The following ABLIM3 variants were observed in gnomAD, a reference collection of about 807,000 sequenced individuals.
The protein encoded by ABLIM3 is actin-binding LIM protein 3.
A neutral mutation model predicts 109.5 loss-of-function variants in ABLIM3; 61 were observed. That is an observed-to-expected ratio of 0.56 (90% CI 0.45 to 0.69). The LOEUF (loss-of-function observed/expected upper bound fraction) is 0.69. ABLIM3 is among the 30% of genes least tolerant of loss of function. The pLI is 0.00. For missense variants in ABLIM3, 796 were observed against 889.5 expected (o/e 0.89, Z 1.34); for synonymous variants, 300 against 324.8 (o/e 0.92, Z 0.82).
Position 149,259,662 on chromosome 5 carries a change from AG to A in ABLIM3, c.*1262del. 1.4e-6 allele frequency: 2 copies of A among 1,409,614 alleles called. No homozygotes were observed. The highest frequency in any genetic ancestry group is 2.5e-5 in the South Asian group (2 of 81,472). The allele number at this position is 1,409,614 out of a possible 1,614,324, so 87.3% of individuals were successfully genotyped here. A position where few individuals can be genotyped will look rare whatever the true frequency, so the allele number is the denominator to read the frequency against. On this transcript the variant is annotated 3_prime_UTR_variant, in exon 24 of 24. Coordinates refer to ENST00000309868, the MANE Select transcript of ABLIM3 (RefSeq NM_014945.5). ...TCCCTTCCTGCTCGCCTCCCTGAAC[AG>A]GGGAGAAAGCTTAACCTCTCTTCTC... is the stretch of plus-strand genomic sequence containing the variant.
At chr5:149,226,960 C>T (rs1761353089) in intron 8 of ABLIM3, among the ~76,000 whole-genome samples, 1 of 151,352 alleles carries the variant, frequency 6.6e-6, no homozygotes, top group African/African-American at 2.4e-5. Context: ...ATCCCAGCTA[C>T]TCAGGAGGCT....
chr5:149,236,718 G>A (rs999394074), intron 10 of ABLIM3, among the ~76,000 whole-genome samples: 2 of 152,106 alleles, frequency 1.3e-5, no homozygotes, highest in South Asian at 2.1e-4. Flanking sequence ...TCCCCATCCC[G>A]AGAAGACAGG....
At chr5:149,236,082 G>T (rs1017431159) in intron 10 of ABLIM3, among the ~76,000 whole-genome samples, 11 of 152,144 alleles carry the variant, frequency 7.2e-5, no homozygotes, top group African/African-American at 2.7e-4. Context: ...AGTCTCTGCT[G>T]GTGCATCCCA....
At chr5:149,205,348 C>T (rs1351799119) in intron 5 of ABLIM3, among the ~76,000 whole-genome samples, 1 of 152,058 alleles carries the variant, frequency 6.6e-6, no homozygotes, top group African/African-American at 2.4e-5. Flanking sequence ...GCCCACTTGT[C>T]GAGAATGCTG....
At chr5:149,230,799 T>C in intron 9 of ABLIM3, 92 bp downstream of exon 9, 1 of 1,417,708 alleles carries the variant, frequency 7.1e-7, no homozygotes, top group Non-Finnish European at 9.9e-7. Flanking sequence ...AGGGTCAGCA[T>C]TCCTTAGTGT....
At chr5:149,180,787 G>T (rs1756390106) in intron 2 of ABLIM3, among the ~76,000 whole-genome samples, 1 of 152,154 alleles carries the variant, frequency 6.6e-6, no homozygotes, top group Non-Finnish European at 1.5e-5. Flanking sequence ...CAGGGTTAGG[G>T]CTGGGGTCCC....
chr5:149,166,360 C>T (rs1754825299), intron 2 of ABLIM3, among the ~76,000 whole-genome samples: 2 of 152,220 alleles, frequency 1.3e-5, no homozygotes, highest in Admixed American at 6.5e-5. Context: ...GCATAGTGAT[C>T]ATGCAGCCTC....
intron 23 of ABLIM3, among the ~76,000 whole-genome samples, chr5:149,257,043 G>T (rs182209994): frequency 6.6e-6 from 1 of 152,216 alleles, no homozygotes; most frequent in Non-Finnish European, 1.5e-5. Flanking sequence ...CGTGGCTTAC[G>T]CCTGTAATCC....
Position 149,246,495 on chromosome 5 carries a change from A to G in ABLIM3, c.1500A>G (p.Arg500=). Reference sequence around the variant, plus strand: ...GTCTTTTGACAGTGCCCCGAGCCAGAAGGTTCTCGTCTGGAGGAGAGGAGG... The same window carrying G: ...GTCTTTTGACAGTGCCCCGAGCCAGGAGGTTCTCGTCTGGAGGAGAGGAGG... ...YHGSPKVPRA[R]RFSSGGEEDD... is the part of the protein sequence containing the mutation. Residue 500 remains arginine, a synonymous_variant, in exon 17 of 24, where the codon AGA becomes AGG. Coordinates refer to ENST00000309868, the MANE Select transcript of ABLIM3 (RefSeq NM_014945.5). 6.2e-7 allele frequency: 1 copy of G among 1,614,088 alleles called. No individual in the cohort carries two copies. The highest frequency in any genetic ancestry group is 8.5e-7 in the Non-Finnish European group (1 of 1,180,014).
chr5:149,221,977 G>T (rs529340196), intron 8 of ABLIM3, among the ~76,000 whole-genome samples: 1 of 151,950 alleles, frequency 6.6e-6, no homozygotes, highest in Non-Finnish European at 1.5e-5. Context: ...AAAACAATTC[G>T]CTGTTATCAT....
intron 2 of ABLIM3, among the ~76,000 whole-genome samples, chr5:149,173,243 G>A (rs1755605847): frequency 6.6e-6 from 1 of 152,236 alleles, no homozygotes; most frequent in South Asian, 2.1e-4. Flanking sequence ...GATGACTGCG[G>A]AGGCCATCAG....
chr5:149,243,929 ATTTGAAAGCT>A (rs905096603), intron 15 of ABLIM3: 1 of 152,320 alleles, frequency 6.6e-6, no homozygotes, highest in Non-Finnish European at 1.5e-5. Context: ...AAAGAGAAGA[ATTTGAAAGCT>A]TTGGAAGCAA....
At chr5:149,188,467 A>G (rs373636612) in intron 3 of ABLIM3, among the ~76,000 whole-genome samples, 1 of 152,268 alleles carries the variant, frequency 6.6e-6, no homozygotes, top group Non-Finnish European at 1.5e-5. Context: ...AATGTGTACT[A>G]TGAAAACTAC....
intron 8 of ABLIM3, among the ~76,000 whole-genome samples, chr5:149,224,263 G>A (rs973956630): frequency 1.2e-4 from 18 of 152,238 alleles, no homozygotes; most frequent in African/African-American, 4.3e-4. Context: ...TGTCCCAACT[G>A]TTATTATCAG....
At chr5:149,170,016 AG>A (rs911111860) in intron 2 of ABLIM3, among the ~76,000 whole-genome samples, 8 of 151,990 alleles carry the variant, frequency 5.3e-5, no homozygotes, top group Non-Finnish European at 1.2e-4. Flanking sequence ...GTACTTGTGC[AG>A]GTTTGTTATA....
At chr5:149,230,599 G>C (rs1338899589) in intron 8 of ABLIM3, 50 bp from the exon 9 acceptor site, 2 of 1,590,820 alleles carry the variant, frequency 1.3e-6, no homozygotes, top group South Asian at 1.1e-5. Flanking sequence ...TGGGGAGAGT[G>C]CTGGAGGGTT....
rs1156517192 is a variant in ABLIM3 at position 149,259,349 on chromosome 5, C to A, written c.*945C>A. On this transcript the variant is annotated 3_prime_UTR_variant, in exon 24 of 24. Transcript: ENST00000309868. ...TCTATGTGCCTGACAACTCAACACA[C>A]CGCAGGGCTAATGTTCCCACCAGAG... is the stretch of plus-strand genomic sequence containing the variant. The A allele has an allele frequency of 2.1e-6, 3 of 1,443,484 alleles. No individual in the cohort carries two copies. Among genetic ancestry groups the A allele is most frequent in the Admixed American group, 2.6e-5 (1 of 38,256 alleles). The allele number at this position is 1,443,484 out of a possible 1,614,324, so 89.4% of individuals were successfully genotyped here.
intron 9 of ABLIM3, among the ~76,000 whole-genome samples, chr5:149,232,081 G>T (rs924362364): frequency 6.6e-6 from 1 of 152,208 alleles, no homozygotes; most frequent in Admixed American, 6.5e-5. Context: ...CAAGGCGGGT[G>T]AATCACTTGA....
At chr5:149,175,193 A>G (rs1382784392) in intron 2 of ABLIM3, among the ~76,000 whole-genome samples, 1 of 152,180 alleles carries the variant, frequency 6.6e-6, no homozygotes, top group Non-Finnish European at 1.5e-5. Flanking sequence ...ACCACCGTGC[A>G]TTAAAACCCA....
Sources: gnomAD v4.1 joint callset for allele counts (sites outside exome capture counted in the v4.1 genomes callset) on GRCh38, gnomAD v4.1.1 for gene constraint, MANE v1.5 for transcripts, NCBI Gene and HGNC (gene_info 2026-07-23, HGNC 2026-07-21) for gene names.